The following GALNT17 variants were observed in gnomAD, a reference collection of about 807,000 sequenced individuals.
GALNT17 encodes the protein UDP-GalNAc:polypeptide N-acetylgalactosaminyltransferase-like 3.
A neutral mutation model predicts 63.7 loss-of-function variants in GALNT17; 29 were observed. The observed-to-expected ratio is 0.46, with a 90% CI of 0.34 to 0.62. The LOEUF (loss-of-function observed/expected upper bound fraction) is 0.62, where lower values mean the gene tolerates loss of function less well. Ranked by LOEUF, GALNT17 falls within the 20% of genes least tolerant of loss-of-function variation. The pLI, the probability that GALNT17 is intolerant of heterozygous loss-of-function variation, is 0.01. For missense variants in GALNT17, 603 were observed against 799.6 expected (o/e 0.75, Z 2.97); for synonymous variants, 305 against 318.3 (o/e 0.96, Z 0.45).
chr7:71,265,471 C>T (rs1790477284), intron 1 of GALNT17, among the ~76,000 whole-genome samples: 1 of 151,964 alleles, frequency 6.6e-6, no homozygotes, highest in Admixed American at 6.6e-5. Flanking sequence ...GTGAGAAATT[C>T]TTAAGAAGAT....
chr7:71,315,448 G>A (rs1336266108), intron 1 of GALNT17, among the ~76,000 whole-genome samples: 1 of 152,166 alleles, frequency 6.6e-6, no homozygotes, highest in Non-Finnish European at 1.5e-5. Flanking sequence ...GGAAGTACCA[G>A]ACTGTTTTCT....
intron 1 of GALNT17, among the ~76,000 whole-genome samples, chr7:71,275,273 A>G (rs2115720188): frequency 1.3e-5 from 2 of 152,288 alleles, no homozygotes; most frequent in Admixed American, 1.3e-4. Context: ...TACTTCTTAG[A>G]AATGCAAATT....
intron 1 of GALNT17, among the ~76,000 whole-genome samples, chr7:71,133,296 C>T (rs1202811987): frequency 6.6e-6 from 1 of 152,188 alleles, no homozygotes; most frequent in African/African-American, 2.4e-5. Context: ...AGTTGGCTCC[C>T]GGTCCCCGCG....
At chr7:71,462,045 A>G (rs905382440) in intron 5 of GALNT17, among the ~76,000 whole-genome samples, 1 of 152,154 alleles carries the variant, frequency 6.6e-6, no homozygotes, top group African/African-American at 2.4e-5. Flanking sequence ...AAGGCAGAGC[A>G]GACCTGCCCC....
intron 5 of GALNT17, among the ~76,000 whole-genome samples, chr7:71,568,635 C>G (rs1789388146): frequency 6.6e-6 from 1 of 152,092 alleles, no homozygotes; most frequent in Non-Finnish European, 1.5e-5. Flanking sequence ...CCAGCTGCAT[C>G]CGGGATCTAG....
At chr7:71,699,171 C>CAAAAAA (rs59124269) in intron 9 of GALNT17, among the ~76,000 whole-genome samples, 5 of 77,322 alleles carry the variant, frequency 6.5e-5, no homozygotes, top group Admixed American at 2.1e-4. Context: ...GACTCCATCT[C>CAAAAAA]AAAAAAAAAA....
intron 6 of GALNT17, among the ~76,000 whole-genome samples, chr7:71,647,062 A>G (rs572502429): frequency 8.5e-5 from 12 of 141,498 alleles, no homozygotes; most frequent in East Asian, 2.2e-4. Context: ...TGCTATTTTT[A>G]TTTATTTTAT....
At chr7:71,261,242 C>T (rs1476125247) in intron 1 of GALNT17, among the ~76,000 whole-genome samples, 3 of 152,032 alleles carry the variant, frequency 2.0e-5, no homozygotes, top group African/African-American at 7.2e-5. Flanking sequence ...CCTGGCAGGA[C>T]TCATGGGCCC....
intron 5 of GALNT17, among the ~76,000 whole-genome samples, chr7:71,531,642 G>T (rs536769308): frequency 6.6e-6 from 1 of 152,230 alleles, no homozygotes; most frequent in Non-Finnish European, 1.5e-5. Flanking sequence ...TCACTGTGTT[G>T]ACCATTGTGT....
chr7:71,174,918 C>T (rs895246358), intron 1 of GALNT17, among the ~76,000 whole-genome samples: 13 of 152,036 alleles, frequency 8.6e-5, no homozygotes, highest in East Asian at 1.9e-4. Context: ...CTTTGGGGAG[C>T]GATGGAAGGT....
chr7:71,537,503 C>CG (rs1363305320), intron 5 of GALNT17, among the ~76,000 whole-genome samples: 1 of 152,086 alleles, frequency 6.6e-6, no homozygotes, highest in Non-Finnish European at 1.5e-5. Flanking sequence ...CTAAGTCAGA[C>CG]GGCAAGTCTC....
chr7:71,148,366 C>G (rs1479080236), intron 1 of GALNT17, among the ~76,000 whole-genome samples: 4 of 152,176 alleles, frequency 2.6e-5, no homozygotes, highest in Non-Finnish European at 5.9e-5. Context: ...CACATCTGCT[C>G]TTATTGTTTA....
At chr7:71,677,864 G>A (rs1248609007) in intron 9 of GALNT17, among the ~76,000 whole-genome samples, 1 of 152,026 alleles carries the variant, frequency 6.6e-6, no homozygotes, top group Non-Finnish European at 1.5e-5. Flanking sequence ...TTCCCCCGAG[G>A]TCAGCTGTGT....
intron 1 of GALNT17, among the ~76,000 whole-genome samples, chr7:71,231,743 G>T (rs926781958): frequency 6.7e-6 from 1 of 149,730 alleles, no homozygotes; most frequent in Non-Finnish European, 1.5e-5. Flanking sequence ...AGAGAGGGAG[G>T]GAGAGGGAGA....
chr7:71,426,970 C>T (rs1267208087), intron 5 of GALNT17, among the ~76,000 whole-genome samples: 1 of 151,826 alleles, frequency 6.6e-6, no homozygotes, highest in Non-Finnish European at 1.5e-5. Flanking sequence ...GCGTGTTCTT[C>T]ATAGGAAGTT....
At chr7:71,362,310 C>T (rs977264175) in intron 2 of GALNT17, among the ~76,000 whole-genome samples, 1 of 152,160 alleles carries the variant, frequency 6.6e-6, no homozygotes, top group Admixed American at 6.5e-5. Flanking sequence ...TACAAACTTA[C>T]ATTCTGCCCC....
chr7:71,600,896 C>T (rs1271686845), intron 6 of GALNT17, among the ~76,000 whole-genome samples: 1 of 151,926 alleles, frequency 6.6e-6, no homozygotes, highest in Non-Finnish European at 1.5e-5. Context: ...TATTTGTTGT[C>T]TTTATCCCTC....
intron 4 of GALNT17, among the ~76,000 whole-genome samples, chr7:71,416,690 C>T (rs951625216): frequency 6.6e-6 from 1 of 152,138 alleles, no homozygotes; most frequent in African/African-American, 2.4e-5. Flanking sequence ...ACAAGACAGT[C>T]ATATTTTTCT....
At chr7:71,381,429 G>A (rs1792845618) in intron 2 of GALNT17, among the ~76,000 whole-genome samples, 5 of 152,148 alleles carry the variant, frequency 3.3e-5, no homozygotes, top group Admixed American at 3.3e-4. Flanking sequence ...CTTGGCAAAA[G>A]GTAGAGGACA....
Sources: allele counts gnomAD v4.1 joint callset (sites outside exome capture counted in the v4.1 genomes callset), GRCh38; gene constraint gnomAD v4.1.1; transcripts MANE v1.5; gene names NCBI Gene and HGNC (gene_info 2026-07-23, HGNC 2026-07-21).